The following SLC9C2 variants were observed in gnomAD, a reference collection of about 807,000 sequenced individuals.
SLC9C2 encodes the protein sodium/hydrogen exchanger 11.
Under a neutral mutation model 140.2 loss-of-function variants are expected in SLC9C2, and 75 were observed. The ratio of observed to expected loss-of-function variants is 0.53; its 90% CI spans 0.44 to 0.65. SLC9C2 has a LOEUF of 0.65. Among genes scored for constraint, SLC9C2 ranks in the 30% least tolerant of loss-of-function variants. The probability of loss-of-function intolerance (pLI) is 0.00; values close to 1 mark genes in which losing one functional copy is unlikely to be tolerated. For synonymous variants in SLC9C2, 375 were observed against 420.9 expected, an observed-to-expected ratio of 0.89 and a Z score of 1.34; for missense variants, 1,074 against 1,331.8, an observed-to-expected ratio of 0.81 and a Z score of 3.01.
At chr1:173,547,153 A>G (rs1210282360) in intron 13 of SLC9C2, among the ~76,000 whole-genome samples, 2 of 152,148 alleles carry the variant, frequency 1.3e-5, no homozygotes, top group Non-Finnish European at 2.9e-5. Context: ...CCATTTGATT[A>G]TAACTCCAGT....
chr1:173,567,199 A>G (rs1419428901), intron 9 of SLC9C2, among the ~76,000 whole-genome samples: 2 of 152,134 alleles, frequency 1.3e-5, no homozygotes, highest in Admixed American at 1.3e-4. Context: ...TCCATGGTGC[A>G]AATTAAGTCC....
chr1:173,552,909 C>T (rs1663415544), intron 11 of SLC9C2, among the ~76,000 whole-genome samples: 1 of 152,184 alleles, frequency 6.6e-6, no homozygotes. Flanking sequence ...AGTGATTCCT[C>T]TGATGGATGT....
intron 19 of SLC9C2, among the ~76,000 whole-genome samples, chr1:173,526,450 C>T (rs1558031892): frequency 1.3e-5 from 2 of 152,190 alleles, no homozygotes; most frequent in South Asian, 4.1e-4. Flanking sequence ...TCTATTGATA[C>T]GCTCATACAC....
chr1:173,563,758 A>G (rs1023402717), intron 9 of SLC9C2, among the ~76,000 whole-genome samples: 2 of 152,164 alleles, frequency 1.3e-5, no homozygotes, highest in African/African-American at 2.4e-5. Flanking sequence ...TAAATTATCA[A>G]CTATAGTCAC....
At chr1:173,594,246 C>T (rs1304325281) in intron 4 of SLC9C2, among the ~76,000 whole-genome samples, 3 of 152,148 alleles carry the variant, frequency 2.0e-5, no homozygotes, top group Non-Finnish European at 2.9e-5. Flanking sequence ...TGTTCTATAA[C>T]ACTGCAGGAT....
At chr1:173,557,185 T>C (rs916762496) in intron 10 of SLC9C2, among the ~76,000 whole-genome samples, 155 bp downstream of exon 10, 1 of 152,184 alleles carries the variant, frequency 6.6e-6, no homozygotes, top group Non-Finnish European at 1.5e-5. Context: ...ATTCTCAACA[T>C]AAATAACGTT....
intron 9 of SLC9C2, among the ~76,000 whole-genome samples, chr1:173,559,511 A>T (rs1663952090): frequency 6.6e-6 from 1 of 152,192 alleles, no homozygotes; most frequent in Non-Finnish European, 1.5e-5. Flanking sequence ...TCCTCTGCCA[A>T]CTAAATGACC....
intron 22 of SLC9C2, among the ~76,000 whole-genome samples, chr1:173,520,564 A>G (rs1272063277): frequency 2.6e-5 from 4 of 152,226 alleles, no homozygotes; most frequent in Admixed American, 6.5e-5. Flanking sequence ...TGCCTGCCAC[A>G]TGGTGGTAAT....
chr1:173,583,165 A>G (rs1029364851), intron 6 of SLC9C2, among the ~76,000 whole-genome samples: 5 of 152,218 alleles, frequency 3.3e-5, no homozygotes, highest in African/African-American at 1.2e-4. Flanking sequence ...TATAACCTAC[A>G]GCACATACTT....
intron 6 of SLC9C2, among the ~76,000 whole-genome samples, chr1:173,582,898 T>C (rs181938621): frequency 1.7e-4 from 26 of 152,340 alleles, no homozygotes; most frequent in African/African-American, 5.8e-4. Flanking sequence ...GAGATCCAGA[T>C]TGATCCAGTA....
intron 4 of SLC9C2, 100 bp from the exon 5 acceptor site, chr1:173,587,930 A>G (rs969801062): frequency 2.2e-5 from 19 of 878,024 alleles, no homozygotes; most frequent in Non-Finnish European, 2.7e-5. Context: ...TGTAAATGTT[A>G]TACAATTACC....
intron 4 of SLC9C2, chr1:173,596,272 G>A (rs796577811): frequency 4.6e-5 from 7 of 152,260 alleles, no homozygotes; most frequent in African/African-American, 1.7e-4. Context: ...AAGTTTTCAT[G>A]TCTCTTGGGT....
intron 27 of SLC9C2, among the ~76,000 whole-genome samples, chr1:173,502,344 G>A (rs977272292): frequency 3.6e-4 from 53 of 148,938 alleles, no homozygotes; most frequent in African/African-American, 1.2e-3. Context: ...AAAGGCTAAA[G>A]GTCCTTGAAG....
At chr1:173,598,279 T>C (rs1250557208) in intron 3 of SLC9C2, among the ~76,000 whole-genome samples, 1 of 152,214 alleles carries the variant, frequency 6.6e-6, no homozygotes, top group African/African-American at 2.4e-5. Context: ...ACACTGCTTG[T>C]GGTGTGCAAT....
intron 24 of SLC9C2, among the ~76,000 whole-genome samples, chr1:173,507,435 A>C (rs1659725738): frequency 6.6e-6 from 1 of 152,136 alleles, no homozygotes; most frequent in Non-Finnish European, 1.5e-5. Context: ...AGCAAGCTAG[A>C]GTCTGAGCTA....
At chr1:173,502,612 A>G (rs1310943552) in intron 27 of SLC9C2, among the ~76,000 whole-genome samples, 1 of 152,134 alleles carries the variant, frequency 6.6e-6, no homozygotes, top group Non-Finnish European at 1.5e-5. Flanking sequence ...AGCCTTCTCA[A>G]ACTTCTCTAA....
chr1:173,533,730 A>G lies in SLC9C2; in HGVS notation c.2042T>C (p.Ile681Thr). The change falls in exon 17 of 28, where the codon ATT (isoleucine) becomes ACT (threonine). Residue 681 changes from isoleucine to threonine, a missense_variant. Physicochemically the swap from Ile to Thr is moderately conservative, Grantham distance 89 (BLOSUM62 -1). Coordinates refer to ENST00000367714, the MANE Select transcript of SLC9C2 (RefSeq NM_178527.4). ...TACACAAAAGATATCAATGATTCCA[A>G]TAACCAGGATAAAAAATTCCAAAGT... is the stretch of plus-strand genomic sequence containing the variant. ...WNTLEFFILV[I>T]GIIDIFCVYF... The G allele has an allele frequency of 6.8e-6, 11 of 1,607,526 alleles. No individual in the cohort carries two copies. The highest frequency in any genetic ancestry group is 1.3e-5 in the African/African-American group (1 of 74,696).
At chr1:173,533,819 T>C in intron 16 of SLC9C2, 22 bp from the exon 17 acceptor site, 1 of 1,586,710 alleles carries the variant, frequency 6.3e-7, no homozygotes, top group African/African-American at 1.4e-5. Flanking sequence ...ACAAATGTCA[T>C]TTCATAGCAC....
chr1:173,550,786 G>T (rs1240401417), intron 11 of SLC9C2, among the ~76,000 whole-genome samples: 2 of 150,802 alleles, frequency 1.3e-5, no homozygotes, highest in African/African-American at 4.9e-5. Flanking sequence ...CAGCCTGGTG[G>T]GGTGGTAAGC....
Sources: gnomAD v4.1 joint callset for allele counts (sites outside exome capture counted in the v4.1 genomes callset) on GRCh38, gnomAD v4.1.1 for gene constraint, MANE v1.5 for transcripts, NCBI Gene and HGNC (gene_info 2026-07-23, HGNC 2026-07-21) for gene names.